ZNF280D: variants seen among roughly 807,000 people sequenced by gnomAD.
ZNF280D encodes suppressor of hairy wing homolog 4.
Under a neutral mutation model 94.7 loss-of-function variants are expected in ZNF280D, and 39 were observed. The ratio of observed to expected loss-of-function variants is 0.41; its 90% CI spans 0.32 to 0.54. The LOEUF (loss-of-function observed/expected upper bound fraction) is 0.54. Among genes scored for constraint, ZNF280D ranks in the 20% least tolerant of loss-of-function variants. The pLI is 0.22. For missense variants in ZNF280D, 1,090 were observed against 1,149.3 expected (o/e 0.95, Z 0.75); for synonymous variants, 398 against 377.6 (o/e 1.05, Z -0.63).
At chr15:56,680,833 C>T (rs147239759) in intron 10 of ZNF280D, among the ~76,000 whole-genome samples, 1,648 of 152,246 alleles carry the variant, frequency 0.011, 13 homozygotes, top group Middle Eastern at 0.027. Flanking sequence ...CAAAAAAATA[C>T]TGCTGAAATA....
intron 13 of ZNF280D, among the ~76,000 whole-genome samples, chr15:56,676,340 T>C (rs1397917031): frequency 6.6e-6 from 1 of 152,172 alleles, no homozygotes; most frequent in Non-Finnish European, 1.5e-5. Flanking sequence ...GATAACTCCC[T>C]TCAAAATCAT....
chr15:56,656,048 C>T (rs777391635), intron 17 of ZNF280D, among the ~76,000 whole-genome samples: 3 of 152,150 alleles, frequency 2.0e-5, no homozygotes, highest in Admixed American at 6.5e-5. Context: ...CAGATCACTA[C>T]AAGAACTGTA....
chr15:56,635,726 T>A (rs1464316978), intron 20 of ZNF280D: 1 of 152,192 alleles, frequency 6.6e-6, no homozygotes, highest in African/African-American at 2.4e-5. Context: ...ACCAAAAACA[T>A]GAAACAGTAC....
intron 9 of ZNF280D, among the ~76,000 whole-genome samples, chr15:56,683,814 T>C (rs536066298): frequency 3.9e-5 from 6 of 152,254 alleles, no homozygotes; most frequent in East Asian, 3.9e-4. Context: ...TGGTTTATCA[T>C]TGAAACTAAG....
chr15:56,650,046 T>C (rs1207137270), intron 19 of ZNF280D, among the ~76,000 whole-genome samples: 1 of 152,122 alleles, frequency 6.6e-6, no homozygotes, highest in Non-Finnish European at 1.5e-5. Context: ...TTTAATTGAT[T>C]ATGAAATCAG....
intron 19 of ZNF280D, among the ~76,000 whole-genome samples, chr15:56,644,262 A>C (rs2052771108): frequency 6.6e-6 from 1 of 152,122 alleles, no homozygotes. Flanking sequence ...TGGGGGTTAA[A>C]GATTTTGTAA....
At chr15:56,640,734 C>T (rs560535699) in intron 20 of ZNF280D, among the ~76,000 whole-genome samples, 2 of 152,222 alleles carry the variant, frequency 1.3e-5, no homozygotes, top group East Asian at 1.9e-4. Flanking sequence ...CAGGATTCCA[C>T]TGTGGCTGGA....
intron 16 of ZNF280D, among the ~76,000 whole-genome samples, chr15:56,666,173 C>T (rs1475393265): frequency 6.6e-6 from 1 of 152,092 alleles, no homozygotes; most frequent in Non-Finnish European, 1.5e-5. Context: ...CAAACCTATT[C>T]TAATTTCATT....
intron 16 of ZNF280D, among the ~76,000 whole-genome samples, chr15:56,664,093 A>T (rs1258127328): frequency 6.6e-6 from 1 of 152,212 alleles, no homozygotes; most frequent in African/African-American, 2.4e-5. Context: ...TAAGTTTTAA[A>T]AAGTGAGTGA....
At chr15:56,704,057 C>A in intron 4 of ZNF280D, 64 bp downstream of exon 4, 1 of 1,577,576 alleles carries the variant, frequency 6.3e-7, no homozygotes, top group Non-Finnish European at 8.6e-7. Flanking sequence ...TTAAACAGTT[C>A]ACAAGTTTTT....
At chr15:56,663,646 TATG>T (rs2054103207) in intron 16 of ZNF280D, among the ~76,000 whole-genome samples, 1 of 152,210 alleles carries the variant, frequency 6.6e-6, no homozygotes, top group African/African-American at 2.4e-5. Flanking sequence ...TTTAGTTCCA[TATG>T]ACACTAAGAG....
intron 3 of ZNF280D, among the ~76,000 whole-genome samples, 169 bp from the exon 4 acceptor site, chr15:56,704,436 ACTAT>A (rs1481561268): frequency 6.6e-6 from 1 of 152,248 alleles, no homozygotes; most frequent in African/African-American, 2.4e-5. Context: ...TACAGAGCTT[ACTAT>A]CTAAAATATT....
At chr15:56,674,380 C>G (rs1215385466) in intron 13 of ZNF280D, among the ~76,000 whole-genome samples, 2 of 151,828 alleles carry the variant, frequency 1.3e-5, no homozygotes, top group African/African-American at 4.8e-5. Context: ...ACAAAAGAAA[C>G]AGTGATCTAT....
intron 17 of ZNF280D, among the ~76,000 whole-genome samples, chr15:56,656,102 C>T (rs1335533054): frequency 3.9e-5 from 6 of 152,066 alleles, no homozygotes; most frequent in African/African-American, 9.7e-5. Context: ...CTTATTAAAA[C>T]GCATAGTTAT....
At chr15:56,677,922 G>A (rs377064178) in intron 11 of ZNF280D, among the ~76,000 whole-genome samples, 11 of 151,740 alleles carry the variant, frequency 7.2e-5, no homozygotes, top group African/African-American at 2.4e-4. Context: ...ATTAAGTAAC[G>A]TGGCTAAAAT....
chr15:56,692,448 A>G (rs1181665366), intron 7 of ZNF280D, among the ~76,000 whole-genome samples: 1 of 152,096 alleles, frequency 6.6e-6, no homozygotes, highest in Non-Finnish European at 1.5e-5. Context: ...TGCCTTGATT[A>G]CAGGGAATTT....
chr15:56,638,405 C>G (rs2052455675), intron 20 of ZNF280D, among the ~76,000 whole-genome samples: 2 of 152,088 alleles, frequency 1.3e-5, no homozygotes, highest in South Asian at 4.1e-4. Context: ...GAGCTAGATT[C>G]CACAGTGCAA....
At chr15:56,651,796 C>T (rs1397346125) in intron 19 of ZNF280D, among the ~76,000 whole-genome samples, 2 of 151,740 alleles carry the variant, frequency 1.3e-5, no homozygotes. Flanking sequence ...GTTTTTCCCC[C>T]CAAATATTTT....
intron 9 of ZNF280D, among the ~76,000 whole-genome samples, chr15:56,687,214 G>T (rs78015557): frequency 0.028 from 4,193 of 152,026 alleles, 185 homozygotes; most frequent in African/African-American, 0.096. Flanking sequence ...ACTTAGTTCA[G>T]TTGTAAGAAA....
Sources: gnomAD v4.1 joint callset for allele counts (sites outside exome capture counted in the v4.1 genomes callset) on GRCh38, gnomAD v4.1.1 for gene constraint, MANE v1.5 for transcripts, NCBI Gene and HGNC (gene_info 2026-07-23, HGNC 2026-07-21) for gene names.